SMKR1: variants seen among roughly 807,000 people sequenced by gnomAD.
SMKR1 encodes small lysine-rich protein 1.
Under a neutral mutation model 4.0 loss-of-function variants are expected in SMKR1, and 4 were observed. The observed-to-expected ratio is 1.00, with a 90% CI of 0.49 to 2.30. The LOEUF is 2.30. Among genes scored for constraint, SMKR1 ranks in the 30% most tolerant of loss-of-function variants. The pLI, the probability that SMKR1 is intolerant of heterozygous loss-of-function variation, is 0.02. For synonymous variants in SMKR1, 38 were observed against 32.5 expected (o/e 1.17, Z -0.58); for missense variants, 56 against 81.8 (o/e 0.68, Z 1.22).
At chr7:129,509,834 C>T (rs536865771) in intron 1 of SMKR1, among the ~76,000 whole-genome samples, 8 of 152,264 alleles carry the variant, frequency 5.3e-5, no homozygotes, top group South Asian at 4.1e-4. Flanking sequence ...CCAGCGCGCC[C>T]GGCCTATTTT....
chr7:129,505,865 T>C (rs1020083867), intron 1 of SMKR1, among the ~76,000 whole-genome samples: 5 of 152,126 alleles, frequency 3.3e-5, no homozygotes, highest in African/African-American at 1.2e-4. Context: ...AATTAGAAGG[T>C]CTGCAGGAAG....
chr7:129,507,180 T>A, intron 1 of SMKR1, among the ~76,000 whole-genome samples: 1 of 152,094 alleles, frequency 6.6e-6, no homozygotes, highest in Non-Finnish European at 1.5e-5. Flanking sequence ...CATGCCCAGC[T>A]AATTTTTTGT....
intron 1 of SMKR1, among the ~76,000 whole-genome samples, chr7:129,510,491 T>C (rs1280321410): frequency 1.3e-5 from 2 of 152,200 alleles, no homozygotes; most frequent in African/African-American, 4.8e-5. Context: ...CCCAGCACTT[T>C]GGGAGGCCAA....
chr7:129,504,228 A>T (rs1029826734), intron 1 of SMKR1, among the ~76,000 whole-genome samples: 1 of 152,236 alleles, frequency 6.6e-6, no homozygotes, highest in African/African-American at 2.4e-5. Flanking sequence ...TGAGGGTCAA[A>T]CACATTAGTG....
chr7:129,502,823 C>T lies in SMKR1; in HGVS notation c.-2C>T. On this transcript the variant is annotated 5_prime_UTR_variant, in exon 1 of 2. Coordinates refer to ENST00000462322, the MANE Select transcript of SMKR1 (RefSeq NM_001195243.2). ...CGCCTGCCTGCTCGGCTGAGAATCG[C>T]CATGGTAATCCCCGTCTCCCTAAAG... The T allele has an allele frequency of 6.5e-7, 1 of 1,535,038 alleles. No homozygotes were observed. Among genetic ancestry groups the T allele is most frequent in the Non-Finnish European group, 8.7e-7 (1 of 1,146,578 alleles).
chr7:129,507,208 G>T lies in SMKR1; in HGVS notation c.3+4381G>T, dbSNP rs184854370. Among the ~76,000 whole-genome samples, 21 of 152,118 alleles carry T rather than the reference G, an allele frequency of 1.4e-4. No individual in the cohort carries two copies. In the East Asian group the frequency reaches 1.9e-3, roughly 14 times the overall value. On this transcript the variant is annotated intron_variant, in intron 1 of 1. Transcript: ENST00000462322. Reference sequence around the variant, plus strand: ...TTTTTTGTATTTATAGTAGAGACAGGGTTTCACCATGTTAGCCAGGACGGT... The same window carrying T: ...TTTTTTGTATTTATAGTAGAGACAGTGTTTCACCATGTTAGCCAGGACGGT...
intron 1 of SMKR1, among the ~76,000 whole-genome samples, chr7:129,511,685 A>G (rs184118549): frequency 1.3e-5 from 2 of 152,326 alleles, no homozygotes; most frequent in Non-Finnish European, 2.9e-5. Flanking sequence ...AGAAATTATT[A>G]TAATTCTGGG....
chr7:129,502,977 G>A (rs1799426829), intron 1 of SMKR1, 150 bp downstream of exon 1: 1 of 1,168,374 alleles, frequency 8.6e-7, no homozygotes, highest in Non-Finnish European at 1.2e-6. Flanking sequence ...AGGGGTGCCC[G>A]GCGGTCCGCG....
chr7:129,510,860 A>G (rs1281084402), intron 1 of SMKR1, among the ~76,000 whole-genome samples: 3 of 152,056 alleles, frequency 2.0e-5, no homozygotes. Flanking sequence ...CCAGGCTGGA[A>G]TGCAGTGGCG....
At chr7:129,511,576 A>G (rs1013715982) in intron 1 of SMKR1, among the ~76,000 whole-genome samples, 1 of 152,204 alleles carries the variant, frequency 6.6e-6, no homozygotes, top group Non-Finnish European at 1.5e-5. Context: ...GCTTGTTCAA[A>G]TAAGAATGCA....
chr7:129,509,127 A>G (rs1265435469), intron 1 of SMKR1, among the ~76,000 whole-genome samples: 3 of 152,166 alleles, frequency 2.0e-5, no homozygotes, highest in Non-Finnish European at 2.9e-5. Flanking sequence ...AGCCTGGCCA[A>G]CATGGCGAAA....
chr7:129,512,468 C>A lies in SMKR1; in HGVS notation c.*27C>A. On this transcript the variant is annotated 3_prime_UTR_variant, in exon 2 of 2. Transcript: ENST00000462322. ...AGCATTTCACAACACATCTCTGTTA[C>A]AGACAACAGGACCTGGGGAAGAGAA... 1 of 1,523,486 alleles carries A rather than the reference C, an allele frequency of 6.6e-7. No individual in the cohort carries two copies. Among genetic ancestry groups the A allele is most frequent in the South Asian group, 1.2e-5 (1 of 81,724 alleles). 94.4% of individuals were successfully genotyped at this position (1,523,486 alleles called of 1,614,324 possible). A position where few individuals can be genotyped will look rare whatever the true frequency, so the allele number is the denominator to read the frequency against.
chr7:129,510,456 G>A (rs930625057), intron 1 of SMKR1, among the ~76,000 whole-genome samples: 3 of 152,202 alleles, frequency 2.0e-5, no homozygotes, highest in Admixed American at 2.0e-4. Flanking sequence ...GGCACAGGCC[G>A]GGCACAGTGG....
At position 129,510,781 on chromosome 7, in the gene SMKR1, C is replaced by T. The variant is rs528997908; in HGVS notation, c.4-1466C>T. On this transcript the variant is annotated intron_variant, in intron 1 of 1. Transcript: ENST00000462322. Reference sequence around the variant, plus strand: ...CATTTATTGAGTATTTGTCTCACATCAGACATGGTGCTAAGTGTCTTTTTT... The same window carrying T: ...CATTTATTGAGTATTTGTCTCACATTAGACATGGTGCTAAGTGTCTTTTTT... Among the ~76,000 whole-genome samples, 28 of 152,030 alleles carry T rather than the reference C, an allele frequency of 1.8e-4. No individual in the cohort carries two copies. In the South Asian group the frequency reaches 5.6e-3, roughly 30 times the overall value.
Position 129,512,325 on chromosome 7 carries a change from A to G in SMKR1, c.82A>G (p.Ser28Gly). The stretch of plus-strand genomic sequence containing the variant: ...GAAGAAACCAGAAGTGGACATTCTC[A>G]GCCCCGCGGCCATGCTGAACCTCTA... ...KQKKPEVDIL[S>G]PAAMLNLYYI... Residue 28 changes from serine (S) to glycine (G), a missense_variant, in exon 2 of 2, where the codon AGC becomes GGC. Physicochemically the swap from Ser to Gly is moderately conservative, Grantham distance 56 (BLOSUM62 0). Transcript: ENST00000462322. 6.5e-7 allele frequency: 1 copy of G among 1,535,768 alleles called. No individual in the cohort carries two copies. The highest frequency in any genetic ancestry group is 8.7e-7 in the Non-Finnish European group (1 of 1,146,638).
chr7:129,502,822 G>C lies in SMKR1; in HGVS notation c.-3G>C. ...ACGCCTGCCTGCTCGGCTGAGAATC[G>C]CCATGGTAATCCCCGTCTCCCTAAA... On this transcript the variant is annotated 5_prime_UTR_variant, in exon 1 of 2. Transcript: ENST00000462322. 1 of 1,535,056 alleles carries C rather than the reference G, an allele frequency of 6.5e-7. No individual in the cohort carries two copies. The highest frequency in any genetic ancestry group is 8.7e-7 in the Non-Finnish European group (1 of 1,146,572).
intron 1 of SMKR1, among the ~76,000 whole-genome samples, chr7:129,505,753 C>A (rs920140500): frequency 1.3e-5 from 2 of 152,114 alleles, no homozygotes; most frequent in Non-Finnish European, 2.9e-5. Context: ...AAGTGCTGAG[C>A]CACTGTGAGC....
chr7:129,502,765 T>C lies in SMKR1; in HGVS notation c.-60T>C, dbSNP rs1305656407. ...CGCTGGGGGCAGCGGCCCCGGTGGA[T>C]GCTAAGGGCTTCGGGATCGGGAGAG... On this transcript the variant is annotated 5_prime_UTR_variant, in exon 1 of 2. The change abolishes an upstream ATG in the 5' untranslated region. Transcript: ENST00000462322. 1 of 1,534,712 alleles carries C rather than the reference T, an allele frequency of 6.5e-7. No individual in the cohort carries two copies. Among genetic ancestry groups the C allele is most frequent in the Non-Finnish European group, 8.7e-7 (1 of 1,146,494 alleles).
chr7:129,503,281 A>C (rs899217726), intron 1 of SMKR1, among the ~76,000 whole-genome samples: 1 of 148,634 alleles, frequency 6.7e-6, no homozygotes, highest in Non-Finnish European at 1.5e-5. Context: ...TCCTGTTCTC[A>C]GCCCTCATCC....
Sources: allele counts gnomAD v4.1 joint callset (sites outside exome capture counted in the v4.1 genomes callset), GRCh38; gene constraint gnomAD v4.1.1; transcripts MANE v1.5; gene names NCBI Gene and HGNC (gene_info 2026-07-23, HGNC 2026-07-21).